Variants in KIZ observed in about 807,000 individuals in gnomAD.
KIZ encodes centrosomal protein kizuna.
A neutral mutation model predicts 79.6 loss-of-function variants in KIZ; 68 were observed. The observed-to-expected ratio is 0.85, with a 90% CI of 0.70 to 1.05. The LOEUF is 1.05. Ranked by LOEUF, KIZ falls within the 50% of genes least tolerant of loss-of-function variation. The pLI is 0.00. For synonymous variants in KIZ, 280 were observed against 281.8 expected (o/e 0.99, Z 0.06); for missense variants, 797 against 800.4 (o/e 1.00, Z 0.05).
rs543676864 is a variant in KIZ, at chr20:21,174,168, A to G, written c.1352+11009A>G. Among the ~76,000 whole-genome samples, 4 of 152,340 alleles carry G rather than the reference A, an allele frequency of 2.6e-5. No individual in the cohort carries two copies. The South Asian group carries it at 8.3e-4, about 32-fold the overall frequency. Reference sequence around the variant, plus strand: ...AACTAACAGTCTGATGCCAGAATGCATGCTCTTAATTTCTGTTTTCCACCA... The same window carrying G: ...AACTAACAGTCTGATGCCAGAATGCGTGCTCTTAATTTCTGTTTTCCACCA... On this transcript the variant is annotated intron_variant, in intron 6 of 12. Coordinates refer to ENST00000619189, the MANE Select transcript of KIZ (RefSeq NM_018474.6).
At chr20:21,188,527 T>C (rs1466666376) in intron 6 of KIZ, among the ~76,000 whole-genome samples, 1 of 151,882 alleles carries the variant, frequency 6.6e-6, no homozygotes, top group Non-Finnish European at 1.5e-5. Context: ...GTTATAAGGG[T>C]GTTGACTGTG....
At chr20:21,147,692 CAGAA>C (rs747485637) in intron 4 of KIZ, among the ~76,000 whole-genome samples, 78 of 152,300 alleles carry the variant, frequency 5.1e-4, no homozygotes, top group Admixed American at 1.8e-3. Flanking sequence ...GAGTGCTTCT[CAGAA>C]AGCAATGTTC....
At chr20:21,180,075 A>G (rs1048690397) in intron 6 of KIZ, among the ~76,000 whole-genome samples, 10 of 152,298 alleles carry the variant, frequency 6.6e-5, no homozygotes, top group African/African-American at 2.2e-4. Flanking sequence ...CCATTTGACC[A>G]GTACTGTTAT....
intron 6 of KIZ, among the ~76,000 whole-genome samples, chr20:21,189,695 C>T (rs2035032303): frequency 6.6e-6 from 1 of 152,192 alleles, no homozygotes; most frequent in Admixed American, 6.5e-5. Flanking sequence ...ACGGATGGTG[C>T]CCTACCAAAT....
At chr20:21,210,965 C>A (rs965698686) in intron 7 of KIZ, among the ~76,000 whole-genome samples, 36 of 151,170 alleles carry the variant, frequency 2.4e-4, no homozygotes, top group Non-Finnish European at 4.6e-4. Flanking sequence ...TATTGACTTG[C>A]AAAAACTTTT....
intron 4 of KIZ, 145 bp downstream of exon 4, chr20:21,145,799 A>C (rs774116259): frequency 1.6e-5 from 7 of 440,914 alleles, no homozygotes; most frequent in Non-Finnish European, 2.9e-5. Flanking sequence ...TTTTGCTTAC[A>C]GAATATTGCT....
chr20:21,190,106 G>A (rs1269934745), intron 6 of KIZ, among the ~76,000 whole-genome samples: 1 of 152,196 alleles, frequency 6.6e-6, no homozygotes, highest in Non-Finnish European at 1.5e-5. Flanking sequence ...TCCAGCCATC[G>A]GGTGTCAGGC....
intron 6 of KIZ, among the ~76,000 whole-genome samples, chr20:21,173,840 G>C (rs1031681257): frequency 3.3e-5 from 5 of 152,160 alleles, no homozygotes; most frequent in African/African-American, 4.8e-5. Context: ...TTGGAATTCA[G>C]AGAGAGGTCA....
chr20:21,234,264 C>T (rs1219152948), intron 11 of KIZ, among the ~76,000 whole-genome samples: 2 of 151,594 alleles, frequency 1.3e-5, no homozygotes, highest in Non-Finnish European at 2.9e-5. Context: ...CAAATTGAGA[C>T]AGAGGTATTT....
intron 4 of KIZ, 132 bp downstream of exon 4, chr20:21,145,786 G>A: frequency 2.3e-6 from 1 of 441,178 alleles, no homozygotes; most frequent in Non-Finnish European, 4.1e-6. Context: ...ATTATTTAAA[G>A]ATTTTTGCTT....
At chr20:21,230,066 C>A (rs1267757955) in intron 10 of KIZ, among the ~76,000 whole-genome samples, 2 of 152,066 alleles carry the variant, frequency 1.3e-5, no homozygotes, top group African/African-American at 4.8e-5. Context: ...AGAAGGAAAT[C>A]CACATTAATG....
intron 9 of KIZ, among the ~76,000 whole-genome samples, chr20:21,224,318 T>C (rs1304379711): frequency 6.6e-6 from 1 of 152,236 alleles, no homozygotes; most frequent in Non-Finnish European, 1.5e-5. Flanking sequence ...AAATGATTTC[T>C]GGATTCTCAG....
At chr20:21,139,198 TC>T (rs1392460323) in intron 3 of KIZ, 1 of 151,978 alleles carries the variant, frequency 6.6e-6, no homozygotes, top group Non-Finnish European at 1.5e-5. Context: ...TTGGAGTCTC[TC>T]CAGATTGGCT....
At chr20:21,127,488 T>C (rs369042569) in intron 1 of KIZ, among the ~76,000 whole-genome samples, 9 of 152,238 alleles carry the variant, frequency 5.9e-5, no homozygotes, top group African/African-American at 2.2e-4. Flanking sequence ...ATAATAATTA[T>C]GTACTTTATG....
intron 6 of KIZ, among the ~76,000 whole-genome samples, chr20:21,204,005 A>T (rs115539294): frequency 0.022 from 3,321 of 148,588 alleles, 113 homozygotes; most frequent in African/African-American, 0.073. Context: ...TATGAATTTG[A>T]CTGTTTTAGG....
At chr20:21,204,734 C>T (rs547575029) in intron 6 of KIZ, among the ~76,000 whole-genome samples, 2 of 152,214 alleles carry the variant, frequency 1.3e-5, no homozygotes, top group South Asian at 2.1e-4. Context: ...ACTTTGGTTC[C>T]TTTTAGTACA....
intron 6 of KIZ, among the ~76,000 whole-genome samples, chr20:21,176,234 T>TGGGAGGCAGAGGTTGCA (rs1213247063): frequency 6.6e-6 from 1 of 152,108 alleles, no homozygotes; most frequent in African/African-American, 2.4e-5. Context: ...TGCCTGAACC[T>TGGGAGGCAGAGGTTGCA]GGGAGGCAGA....
chr20:21,142,967 C>T (rs893926419), intron 3 of KIZ, among the ~76,000 whole-genome samples: 2 of 152,120 alleles, frequency 1.3e-5, no homozygotes, highest in African/African-American at 4.8e-5. Flanking sequence ...AACCTTCATG[C>T]CCCTGGAGGG....
At chr20:21,229,553 ATTATTTTATTTTATT>A (rs553915602) in intron 10 of KIZ, among the ~76,000 whole-genome samples, 3 of 152,158 alleles carry the variant, frequency 2.0e-5, no homozygotes, top group East Asian at 3.9e-4. Context: ...GCTAAATTTT[ATTATTTTATTTTATT>A]TTATTTTATT....
Sources: allele counts gnomAD v4.1 joint callset (sites outside exome capture counted in the v4.1 genomes callset), GRCh38; gene constraint gnomAD v4.1.1; transcripts MANE v1.5; gene names NCBI Gene and HGNC (gene_info 2026-07-23, HGNC 2026-07-21).